FHIT: variants seen among roughly 807,000 people sequenced by gnomAD.
The protein encoded by FHIT is bis(5'-adenosyl)-triphosphatase.
A neutral mutation model predicts 17.9 loss-of-function variants in FHIT; 19 were observed. That is an observed-to-expected ratio of 1.06 (90% CI 0.74 to 1.56). The LOEUF (loss-of-function observed/expected upper bound fraction) is 1.56, where lower values mean the gene tolerates loss of function less well. Ranked by LOEUF, FHIT falls within the 40% of genes most tolerant of loss-of-function variation. The pLI is 0.00. For missense variants in FHIT, 248 were observed against 189.2 expected (o/e 1.31, Z -1.82); for synonymous variants, 81 against 69.7 (o/e 1.16, Z -0.81).
chr3:59,758,482 G>GCAAA (rs1026365541), intron 8 of FHIT, among the ~76,000 whole-genome samples: 13 of 152,190 alleles, frequency 8.5e-5, no homozygotes, highest in Non-Finnish European at 1.9e-4. Flanking sequence ...ATGCAAAGCT[G>GCAAA]CAAACAGCTT....
At chr3:60,430,307 T>C (rs935503055) in intron 5 of FHIT, among the ~76,000 whole-genome samples, 1 of 152,038 alleles carries the variant, frequency 6.6e-6, no homozygotes, top group Admixed American at 6.5e-5. Flanking sequence ...TAAAACACAG[T>C]AGCCATTTTC....
intron 3 of FHIT, among the ~76,000 whole-genome samples, chr3:60,911,269 A>G (rs1706727257): frequency 6.6e-6 from 1 of 152,148 alleles, no homozygotes. Context: ...GCATTTAATG[A>G]TACCCTTTTG....
At chr3:60,257,561 A>G (rs1416293697) in intron 5 of FHIT, among the ~76,000 whole-genome samples, 2 of 152,150 alleles carry the variant, frequency 1.3e-5, no homozygotes, top group African/African-American at 2.4e-5. Flanking sequence ...ATGCTTCTCA[A>G]ACATTTCACA....
At chr3:60,461,231 T>C (rs554358757) in intron 5 of FHIT, among the ~76,000 whole-genome samples, 2 of 152,304 alleles carry the variant, frequency 1.3e-5, no homozygotes, top group East Asian at 1.9e-4. Context: ...CTTATTGATT[T>C]TCCTTTTGAT....
At chr3:59,948,494 G>A (rs983020735) in intron 7 of FHIT, among the ~76,000 whole-genome samples, 3 of 151,504 alleles carry the variant, frequency 2.0e-5, no homozygotes, top group African/African-American at 7.3e-5. Flanking sequence ...TCCAGCCTGG[G>A]CAACAGAGCG....
rs1704688298 is a variant in FHIT at position 59,908,473 on chromosome 3, C to G, written c.348+13873G>C. Among the ~76,000 whole-genome samples the G allele has an allele frequency of 2.0e-5, 3 of 152,104 alleles. 1 individual carries two copies. Among genetic ancestry groups the G allele is most frequent in the Admixed American group, 2.0e-4 (3 of 15,256 alleles). ...GAGACTATGTCAGGACCATGGACAC[C>G]TCTAGGAATGTAGGAGGCCAAAGGT... On this transcript the variant is annotated intron_variant, in intron 8 of 9. Coordinates refer to ENST00000492590, the MANE Select transcript of FHIT (RefSeq NM_002012.4).
chr3:60,549,633 C>G (rs2036481059), intron 4 of FHIT, among the ~76,000 whole-genome samples: 1 of 152,158 alleles, frequency 6.6e-6, no homozygotes, highest in Non-Finnish European at 1.5e-5. Flanking sequence ...CAGGCATTCT[C>G]TAATTCTCCA....
At chr3:60,444,045 C>T (rs2031132671) in intron 5 of FHIT, among the ~76,000 whole-genome samples, 1 of 152,106 alleles carries the variant, frequency 6.6e-6, no homozygotes, top group African/African-American at 2.4e-5. Flanking sequence ...TATGAACAGA[C>T]ACTTCTCAAA....
At chr3:60,118,280 A>AT (rs1163428359) in intron 5 of FHIT, among the ~76,000 whole-genome samples, 1,764 of 135,028 alleles carry the variant, frequency 0.013, 15 homozygotes, top group East Asian at 0.032. Flanking sequence ...CTCATTTTTA[A>AT]TTTTTTTTTT....
chr3:59,969,414 CTAATA>C (rs1420673420), intron 7 of FHIT, among the ~76,000 whole-genome samples: 4 of 152,074 alleles, frequency 2.6e-5, no homozygotes, highest in East Asian at 1.9e-4. Flanking sequence ...ATTTTGGGCT[CTAATA>C]TGAGTTAAGT....
At chr3:60,940,194 T>C (rs147336727) in intron 3 of FHIT, among the ~76,000 whole-genome samples, 82 of 152,242 alleles carry the variant, frequency 5.4e-4, no homozygotes, top group African/African-American at 1.8e-3. Flanking sequence ...CATCTTCCCA[T>C]TGTAAAATAA....
intron 5 of FHIT, among the ~76,000 whole-genome samples, chr3:60,336,383 G>C (rs1415713851): frequency 6.6e-6 from 1 of 152,202 alleles, no homozygotes; most frequent in Non-Finnish European, 1.5e-5. Flanking sequence ...AAAGTAATCA[G>C]TCTCTTGAAT....
chr3:60,634,762 C>G (rs1553683339), intron 4 of FHIT, among the ~76,000 whole-genome samples: 3 of 152,208 alleles, frequency 2.0e-5, no homozygotes, highest in African/African-American at 7.2e-5. Flanking sequence ...GTGTTCCATG[C>G]TAATTCACCC....
intron 3 of FHIT, among the ~76,000 whole-genome samples, chr3:61,019,810 A>T (rs1378084098): frequency 6.6e-6 from 1 of 152,220 alleles, no homozygotes; most frequent in Non-Finnish European, 1.5e-5. Context: ...CCTAGTCTCC[A>T]GGCACAATGG....
chr3:60,715,410 C>T (rs1553706483), intron 4 of FHIT, among the ~76,000 whole-genome samples: 1 of 151,998 alleles, frequency 6.6e-6, no homozygotes, highest in Non-Finnish European at 1.5e-5. Flanking sequence ...GAAATTGTGG[C>T]ACATATACAC....
chr3:59,795,914 T>C (rs1699760038), intron 8 of FHIT, among the ~76,000 whole-genome samples: 1 of 152,152 alleles, frequency 6.6e-6, no homozygotes, highest in Admixed American at 6.5e-5. Flanking sequence ...TGCTCAGCGT[T>C]GATGGAACAC....
intron 7 of FHIT, among the ~76,000 whole-genome samples, chr3:59,942,461 A>G (rs1390534318): frequency 6.6e-6 from 1 of 152,158 alleles, no homozygotes; most frequent in Non-Finnish European, 1.5e-5. Flanking sequence ...TTCGACCAAG[A>G]GTGAGGTTGG....
At chr3:59,898,633 A>G (rs980266790) in intron 8 of FHIT, among the ~76,000 whole-genome samples, 6 of 152,128 alleles carry the variant, frequency 3.9e-5, no homozygotes, top group Non-Finnish European at 7.3e-5. Flanking sequence ...TATCCTCTAC[A>G]GAATCTTTTT....
At chr3:60,430,043 G>A (rs976343755) in intron 5 of FHIT, among the ~76,000 whole-genome samples, 9 of 151,848 alleles carry the variant, frequency 5.9e-5, no homozygotes, top group African/African-American at 2.2e-4. Context: ...CTGACTGACT[G>A]GAGAAGAACA....
Sources: gnomAD v4.1 joint callset for allele counts (sites outside exome capture counted in the v4.1 genomes callset) on GRCh38, gnomAD v4.1.1 for gene constraint, MANE v1.5 for transcripts, NCBI Gene and HGNC (gene_info 2026-07-23, HGNC 2026-07-21) for gene names.